WASF1: variants seen among roughly 807,000 people sequenced by gnomAD.
WASF1 encodes actin-binding protein WASF1.
In WASF1, 7 loss-of-function variants were observed where a neutral mutation model predicts 50.5. The ratio of observed to expected loss-of-function variants is 0.14; its 90% CI spans 0.08 to 0.26. The LOEUF is 0.26. Among genes scored for constraint, WASF1 ranks in the 10% least tolerant of loss-of-function variants. WASF1 has a pLI of 1.00. For missense variants in WASF1, 470 were observed against 694.7 expected, an observed-to-expected ratio of 0.68 and a Z score of 3.64; for synonymous variants, 205 against 244.0, an observed-to-expected ratio of 0.84 and a Z score of 1.49.
At chr6:110,130,564 A>T (rs1473027525) in intron 3 of WASF1, among the ~76,000 whole-genome samples, 1 of 152,116 alleles carries the variant, frequency 6.6e-6, no homozygotes, top group Non-Finnish European at 1.5e-5. Context: ...GTTCATTTTC[A>T]TTGCTGTATA....
chr6:110,117,891 G>T (rs1773884290), intron 4 of WASF1, among the ~76,000 whole-genome samples: 1 of 152,160 alleles, frequency 6.6e-6, no homozygotes, highest in Admixed American at 6.5e-5. Context: ...TTTCAACCCA[G>T]AATCTCATAT....
chr6:110,165,424 T>C (rs963988113), intron 2 of WASF1, among the ~76,000 whole-genome samples: 2 of 151,660 alleles, frequency 1.3e-5, no homozygotes, highest in Non-Finnish European at 3.0e-5. Flanking sequence ...TTTCAAATGA[T>C]TAAAATTGTA....
At chr6:110,119,495 A>T (rs1021471246) in intron 4 of WASF1, among the ~76,000 whole-genome samples, 6 of 152,216 alleles carry the variant, frequency 3.9e-5, no homozygotes, top group Non-Finnish European at 7.3e-5. Context: ...ACCAGGAAGA[A>T]GGTGAATCTC....
At position 110,139,406 on chromosome 6, in the gene WASF1, G is replaced by A. The variant is rs185287738; in HGVS notation, c.-28-11777C>T. ...TCCCAGCCCTGACCGCTCCTCCCCC[G>A]TTGCAGCCAGCATCTTTGCAGCAGC... On this transcript the variant is annotated intron_variant, in intron 3 of 10. Coordinates refer to ENST00000392589, the MANE Select transcript of WASF1 (RefSeq NM_003931.3). 4.2e-3 allele frequency among the ~76,000 whole-genome samples: 647 copies of A among 152,300 alleles called. 7 individuals are homozygous for A. Among genetic ancestry groups the A allele is most frequent in the African/African-American group, 0.013 (555 of 41,560 alleles).
chr6:110,164,374 A>C (rs1562189039), intron 2 of WASF1, among the ~76,000 whole-genome samples: 1 of 151,780 alleles, frequency 6.6e-6, no homozygotes, highest in East Asian at 1.9e-4. Context: ...ACTTGATTAA[A>C]AATTGGGAAA....
At chr6:110,137,624 G>A (rs1313988075) in intron 3 of WASF1, among the ~76,000 whole-genome samples, 1 of 152,162 alleles carries the variant, frequency 6.6e-6, no homozygotes, top group African/African-American at 2.4e-5. Flanking sequence ...ATGACGAAAG[G>A]ACCCCAGGGA....
chr6:110,109,614 C>T (rs1050755048), intron 5 of WASF1, among the ~76,000 whole-genome samples: 6 of 150,324 alleles, frequency 4.0e-5, no homozygotes, highest in East Asian at 3.9e-4. Flanking sequence ...TGCAGTGGCA[C>T]GATCTCGGCT....
chr6:110,170,948 A>G (rs1262013689), intron 2 of WASF1, among the ~76,000 whole-genome samples: 1 of 152,166 alleles, frequency 6.6e-6, no homozygotes, highest in Non-Finnish European at 1.5e-5. Context: ...TGAAGCAAAA[A>G]CTGATAAAAC....
intron 10 of WASF1, among the ~76,000 whole-genome samples, chr6:110,101,200 A>G (rs1417104401): frequency 1.3e-5 from 2 of 152,202 alleles, no homozygotes; most frequent in Non-Finnish European, 2.9e-5. Flanking sequence ...CATCTGGTAG[A>G]GCAAGTGTCA....
intron 6 of WASF1, 106 bp downstream of exon 6, chr6:110,108,418 GCTCT>G (rs1287791635): frequency 1.9e-6 from 2 of 1,053,334 alleles, no homozygotes; most frequent in Admixed American, 2.5e-5. Flanking sequence ...GACAGAGAGG[GCTCT>G]CTGTGTTGGC....
At chr6:110,128,218 C>G (rs1562172099) in intron 3 of WASF1, among the ~76,000 whole-genome samples, 2 of 152,114 alleles carry the variant, frequency 1.3e-5, no homozygotes, top group Admixed American at 1.3e-4. Context: ...AGAATATCAA[C>G]ATTATACAAA....
chr6:110,116,735 GACCCCC>G (rs1562166455), intron 4 of WASF1, among the ~76,000 whole-genome samples: 2 of 152,154 alleles, frequency 1.3e-5, no homozygotes, highest in Admixed American at 1.3e-4. Context: ...GTGGGTCCCT[GACCCCC>G]GTGTAGCCTG....
chr6:110,106,031 C>T (rs534774146), intron 7 of WASF1, among the ~76,000 whole-genome samples: 1 of 152,276 alleles, frequency 6.6e-6, no homozygotes, highest in East Asian at 1.9e-4. Context: ...ATCCAATTAT[C>T]TAATTAACCG....
At chr6:110,146,485 T>C (rs1485818228) in intron 3 of WASF1, among the ~76,000 whole-genome samples, 1 of 151,810 alleles carries the variant, frequency 6.6e-6, no homozygotes, top group African/African-American at 2.4e-5. Flanking sequence ...TATAAAAATT[T>C]AAAATAAGAA....
At chr6:110,127,111 T>C (rs1451491365) in intron 4 of WASF1, among the ~76,000 whole-genome samples, 1 of 152,210 alleles carries the variant, frequency 6.6e-6, no homozygotes, top group African/African-American at 2.4e-5. Context: ...TACTAGTGTT[T>C]GAAAACACAA....
chr6:110,135,477 C>T (rs551229828), intron 3 of WASF1, among the ~76,000 whole-genome samples: 7 of 152,212 alleles, frequency 4.6e-5, no homozygotes, highest in African/African-American at 9.6e-5. Context: ...TACTCTTACT[C>T]TGTTAGTGTG....
At chr6:110,131,429 G>A (rs1774663518) in intron 3 of WASF1, among the ~76,000 whole-genome samples, 1 of 152,102 alleles carries the variant, frequency 6.6e-6, no homozygotes, top group Non-Finnish European at 1.5e-5. Flanking sequence ...CATAAATCAA[G>A]TTTCTATGTA....
At chr6:110,165,290 T>C (rs1449892312) in intron 2 of WASF1, among the ~76,000 whole-genome samples, 1 of 151,650 alleles carries the variant, frequency 6.6e-6, no homozygotes, top group African/African-American at 2.4e-5. Flanking sequence ...AGAGAATATA[T>C]GGGAACTCTC....
At chr6:110,112,227 T>A (rs72934070) in intron 5 of WASF1, among the ~76,000 whole-genome samples, 18,752 of 152,100 alleles carry the variant, frequency 0.12, 1,413 homozygotes, top group Middle Eastern at 0.17. Context: ...ATCTATCATA[T>A]AATTTGTGTT....
Sources: allele counts gnomAD v4.1 joint callset (sites outside exome capture counted in the v4.1 genomes callset), GRCh38; gene constraint gnomAD v4.1.1; transcripts MANE v1.5; gene names NCBI Gene and HGNC (gene_info 2026-07-23, HGNC 2026-07-21).